The following ADK variants were observed in gnomAD, a reference collection of about 807,000 sequenced individuals.
ADK encodes adenosine kinase.
A neutral mutation model predicts 44.7 loss-of-function variants in ADK; 24 were observed. The ratio of observed to expected loss-of-function variants is 0.54; its 90% CI spans 0.39 to 0.76. ADK has a LOEUF of 0.76. Ranked by LOEUF, ADK falls within the 30% of genes least tolerant of loss-of-function variation. The probability of loss-of-function intolerance (pLI) is 0.00; values close to 1 mark genes in which losing one functional copy is unlikely to be tolerated. For missense variants in ADK, 321 were observed against 425.1 expected (o/e 0.76, Z 2.15); for synonymous variants, 128 against 142.6 (o/e 0.90, Z 0.73).
At chr10:74,490,632 C>G (rs1373498865) in intron 6 of ADK, among the ~76,000 whole-genome samples, 1 of 152,100 alleles carries the variant, frequency 6.6e-6, no homozygotes, top group Non-Finnish European at 1.5e-5. Flanking sequence ...GAACCCATGT[C>G]TCATTGTAGG....
At position 74,686,630 on chromosome 10, in the gene ADK, G is replaced by T. The variant is rs138218697; in HGVS notation, c.964+16361G>T. ...TCTGTTGTAGCAGCACAGACTATGA[G>T]AGAGACTATGGAAAAGTTAATTCTC... On this transcript the variant is annotated intron_variant, in intron 10 of 10. Transcript: ENST00000539909. Among the ~76,000 whole-genome samples, 9 of 152,272 alleles carry T rather than the reference G, an allele frequency of 5.9e-5. No homozygotes were observed. In the East Asian group the frequency reaches 1.7e-3, roughly 29 times the overall value.
chr10:74,251,925 A>G (rs981234265), intron 3 of ADK, among the ~76,000 whole-genome samples: 8 of 104,560 alleles, frequency 7.7e-5, no homozygotes, highest in African/African-American at 3.1e-4. Context: ...TTGTCGACTC[A>G]CCTCTTTACC....
chr10:74,466,167 G>A (rs1846352062), intron 6 of ADK, among the ~76,000 whole-genome samples: 1 of 152,098 alleles, frequency 6.6e-6, no homozygotes, highest in South Asian at 2.1e-4. Context: ...ACCGGAGCAT[G>A]TGTGTAAAAT....
intron 1 of ADK, among the ~76,000 whole-genome samples, chr10:74,163,340 CG>C (rs1425889966): frequency 2.6e-5 from 4 of 152,106 alleles, no homozygotes; most frequent in African/African-American, 9.7e-5. Flanking sequence ...AGTAGAATTG[CG>C]TATTTGGGGG....
At chr10:74,256,329 A>T (rs1845823087) in intron 3 of ADK, among the ~76,000 whole-genome samples, 1 of 152,180 alleles carries the variant, frequency 6.6e-6, no homozygotes, top group Non-Finnish European at 1.5e-5. Context: ...ACTTAACATT[A>T]TCCTGGTTAT....
At chr10:74,416,045 C>CATATAT (rs1844362144) in intron 6 of ADK, among the ~76,000 whole-genome samples, 1 of 150,952 alleles carries the variant, frequency 6.6e-6, no homozygotes. Context: ...CACACACACA[C>CATATAT]ACACACACAC....
chr10:74,471,259 A>G (rs1846579063), intron 6 of ADK, among the ~76,000 whole-genome samples: 1 of 151,942 alleles, frequency 6.6e-6, no homozygotes, highest in African/African-American at 2.4e-5. Context: ...AGTTTTTAGT[A>G]GAGACTGGGT....
chr10:74,646,104 A>G (rs1211879537), intron 9 of ADK, among the ~76,000 whole-genome samples: 1 of 152,224 alleles, frequency 6.6e-6, no homozygotes, highest in Non-Finnish European at 1.5e-5. Context: ...CAATAATTGT[A>G]TAATTATGGT....
At chr10:74,184,514 TG>T (rs1842677098) in intron 1 of ADK, among the ~76,000 whole-genome samples, 4 of 143,026 alleles carry the variant, frequency 2.8e-5, no homozygotes, top group African/African-American at 1.0e-4. Context: ...TGTGTGTGTG[TG>T]TGTGTGTGTG....
At chr10:74,624,226 T>C (rs1405027858) in intron 9 of ADK, among the ~76,000 whole-genome samples, 1 of 151,762 alleles carries the variant, frequency 6.6e-6, no homozygotes, top group Non-Finnish European at 1.5e-5. Flanking sequence ...TTTGATTCAT[T>C]GATTTTTTTT....
At chr10:74,210,441 T>A (rs1203846029) in intron 2 of ADK, among the ~76,000 whole-genome samples, 1 of 151,920 alleles carries the variant, frequency 6.6e-6, no homozygotes, top group African/African-American at 2.4e-5. Flanking sequence ...AAACCTTACA[T>A]GAGTTTTTAT....
chr10:74,597,842 A>G (rs1325094564), intron 8 of ADK, among the ~76,000 whole-genome samples: 1 of 152,170 alleles, frequency 6.6e-6, no homozygotes, highest in African/African-American at 2.4e-5. Context: ...GGCTATGGAA[A>G]CATTCTATTT....
intron 6 of ADK, among the ~76,000 whole-genome samples, chr10:74,400,214 C>A (rs1239567017): frequency 2.0e-5 from 3 of 152,046 alleles, no homozygotes; most frequent in East Asian, 3.8e-4. Flanking sequence ...GAAGAAATAA[C>A]AAAATGGATT....
chr10:74,689,265 T>A (rs979305094), intron 10 of ADK, among the ~76,000 whole-genome samples: 27 of 151,174 alleles, frequency 1.8e-4, no homozygotes, highest in Admixed American at 1.5e-3. Flanking sequence ...AATAAATAAA[T>A]AAATAAATAA....
At chr10:74,343,607 T>TTTTG (rs1209123001) in intron 4 of ADK, among the ~76,000 whole-genome samples, 1 of 151,964 alleles carries the variant, frequency 6.6e-6, no homozygotes, top group African/African-American at 2.4e-5. Flanking sequence ...GCCAAATGCT[T>TTTTG]TTTGTTTGTT....
Position 74,224,603 on chromosome 10 carries a change from A to G in ADK, c.194+12A>G. 6.2e-7 allele frequency: 1 copy of G among 1,610,482 alleles called. No homozygotes were observed. Reference sequence around the variant, plus strand: ...AAACACAAGGAACTGTAAGTGCATTAAACCATTGGTTGTAAATAGTTTACT... The same window carrying G: ...AAACACAAGGAACTGTAAGTGCATTGAACCATTGGTTGTAAATAGTTTACT... On this transcript the variant is annotated intron_variant, in intron 3 of 10. Transcript: ENST00000539909.
At chr10:74,700,757 T>A (rs1856393473) in intron 10 of ADK, among the ~76,000 whole-genome samples, 2 of 152,100 alleles carry the variant, frequency 1.3e-5, no homozygotes, top group Non-Finnish European at 2.9e-5. Flanking sequence ...GAGGAGGACA[T>A]GGTAAAGAGA....
rs201918365 is a variant in ADK at position 74,172,904 on chromosome 10, C to CA, written c.65+21577dup. Reference sequence around the variant, plus strand: ...TTGGTGACAGAGTGGGACTCCATGTCAAAAAAAAAAAAAAAACGGTTAGAT... The same window carrying CA: ...TTGGTGACAGAGTGGGACTCCATGTCAAAAAAAAAAAAAAAAACGGTTAGAT... On this transcript the variant is annotated intron_variant, in intron 1 of 10. Coordinates refer to ENST00000539909, the MANE Select transcript of ADK (RefSeq NM_006721.4). Among the ~76,000 whole-genome samples, 546 of 109,380 alleles carry CA rather than the reference C, an allele frequency of 5.0e-3. 1 individual carries two copies. Among genetic ancestry groups the CA allele is most frequent in the Admixed American group, 8.7e-3 (96 of 11,058 alleles). The allele number at this position is 109,380 out of a possible 152,430, so 71.8% of individuals were successfully genotyped here. A position where few individuals can be genotyped will look rare whatever the true frequency, so the allele number is the denominator to read the frequency against.
intron 3 of ADK, among the ~76,000 whole-genome samples, chr10:74,229,498 C>T (rs1409153703): frequency 2.0e-5 from 3 of 149,734 alleles, no homozygotes; most frequent in South Asian, 2.1e-4. Flanking sequence ...CCTGGGTTCA[C>T]GCCATTCTCC....
Sources: gnomAD v4.1 joint callset for allele counts (sites outside exome capture counted in the v4.1 genomes callset) on GRCh38, gnomAD v4.1.1 for gene constraint, MANE v1.5 for transcripts, NCBI Gene and HGNC (gene_info 2026-07-23, HGNC 2026-07-21) for gene names.